TUSC3: variants seen among roughly 807,000 people sequenced by gnomAD.
The protein encoded by TUSC3 is dolichyl-diphosphooligosaccharide--protein glycosyltransferase subunit TUSC3.
A neutral mutation model predicts 44.8 loss-of-function variants in TUSC3; 45 were observed. The observed-to-expected ratio is 1.00, with a 90% CI of 0.79 to 1.29. The LOEUF is 1.29. TUSC3 is among the 50% of genes most tolerant of loss of function. The pLI is 0.00. For missense variants in TUSC3, 519 were observed against 437.9 expected (o/e 1.19, Z -1.65); for synonymous variants, 212 against 152.9 (o/e 1.39, Z -2.85).
At chr8:15,555,403 C>T (rs1206619623) in intron 1 of TUSC3, among the ~76,000 whole-genome samples, 1 of 143,392 alleles carries the variant, frequency 7.0e-6, no homozygotes, top group Admixed American at 7.2e-5. Context: ...CTCAAGTGAT[C>T]CTCCCACCTC....
At chr8:15,735,223 C>G (rs1301378187) in intron 7 of TUSC3, among the ~76,000 whole-genome samples, 1 of 151,946 alleles carries the variant, frequency 6.6e-6, no homozygotes, top group Non-Finnish European at 1.5e-5. Flanking sequence ...GGCAATGGTT[C>G]ATCCTCCAGC....
chr8:15,686,998 G>T (rs546789385), intron 6 of TUSC3, among the ~76,000 whole-genome samples: 1 of 152,060 alleles, frequency 6.6e-6, no homozygotes, highest in African/African-American at 2.4e-5. Flanking sequence ...GCCTGAACCC[G>T]GGAGGCGGAG....
intron 1 of TUSC3, among the ~76,000 whole-genome samples, chr8:15,445,061 A>T (rs1800075551): frequency 6.6e-6 from 1 of 152,178 alleles, no homozygotes; most frequent in South Asian, 2.1e-4. Context: ...AATGGAGAAA[A>T]TTCTTATTAG....
At chr8:15,829,936 C>T in the TUSC3 span, among the ~76,000 whole-genome samples, 2 of 152,118 alleles carry the variant, frequency 1.3e-5, no homozygotes. Flanking sequence ...TCCCTTTTCT[C>T]TGCACACTCA....
intron 1 of TUSC3, among the ~76,000 whole-genome samples, chr8:15,577,235 G>A (rs949988595): frequency 2.0e-5 from 3 of 151,164 alleles, no homozygotes; most frequent in African/African-American, 7.3e-5. Flanking sequence ...TGAGTAGCTT[G>A]CGAAAATTTT....
intron 5 of TUSC3, among the ~76,000 whole-genome samples, chr8:15,670,069 T>C (rs182248813): frequency 2.0e-5 from 3 of 151,846 alleles, no homozygotes; most frequent in African/African-American, 2.4e-5. Flanking sequence ...ATAAAAGATA[T>C]GCACACTGAA....
intron 1 of TUSC3, among the ~76,000 whole-genome samples, chr8:15,466,994 A>G (rs1800423338): frequency 6.6e-6 from 1 of 152,026 alleles, no homozygotes; most frequent in Admixed American, 6.6e-5. Flanking sequence ...CCTTCTTTTG[A>G]TGTCATTTCA....
chr8:15,428,618 A>C (rs186736154), intron 1 of TUSC3, among the ~76,000 whole-genome samples: 4,038 of 143,938 alleles, frequency 0.028, 67 homozygotes, highest in South Asian at 0.043. Flanking sequence ...TCTCCACATC[A>C]TCTCCAGCAC....
chr8:15,808,165 G>A, the TUSC3 span, among the ~76,000 whole-genome samples: 39 of 152,078 alleles, frequency 2.6e-4, 1 homozygote, highest in Non-Finnish European at 2.9e-5. Flanking sequence ...TATTAGAAAA[G>A]ATTTGAGTAA....
Position 15,650,738 on chromosome 8 carries a change from G to C in TUSC3, c.350G>C (p.Arg117Pro). 1 of 1,614,032 alleles carries C rather than the reference G, an allele frequency of 6.2e-7. No homozygotes were observed. The highest frequency in any genetic ancestry group is 2.2e-5 in the East Asian group (1 of 44,864). ...TATCAAATACTGGCGAACTCCTGGC[G>C]CTATTCATCTGCTTTTTGTAACAAG... is the stretch of plus-strand genomic sequence containing the variant. ...EEYQILANSW[R>P]YSSAFCNKLF... The change falls in exon 3 of 11, where the codon CGC (arginine) becomes CCC (proline). Residue 117 changes from arginine to proline, a missense_variant. By Grantham distance (103) the Arg-to-Pro change is moderately radical. Transcript: ENST00000503731.
At chr8:15,713,104 A>C (rs980486479) in intron 6 of TUSC3, among the ~76,000 whole-genome samples, 1 of 152,192 alleles carries the variant, frequency 6.6e-6, no homozygotes, top group Non-Finnish European at 1.5e-5. Flanking sequence ...ATAATCCACA[A>C]ATACGTTTTT....
intron 6 of TUSC3, among the ~76,000 whole-genome samples, chr8:15,683,205 A>G (rs1808495308): frequency 6.6e-6 from 1 of 152,188 alleles, no homozygotes; most frequent in Admixed American, 6.5e-5. Flanking sequence ...CTCTAGCGAG[A>G]TTGGGAAAAT....
At chr8:15,624,156 A>G (rs1367133630) in intron 2 of TUSC3, among the ~76,000 whole-genome samples, 2 of 152,158 alleles carry the variant, frequency 1.3e-5, no homozygotes, top group Admixed American at 6.5e-5. Context: ...ATCAATAATT[A>G]TTTTTTTAAA....
chr8:15,844,399 G>A, the TUSC3 span, among the ~76,000 whole-genome samples: 1 of 152,134 alleles, frequency 6.6e-6, no homozygotes, highest in Non-Finnish European at 1.5e-5. Flanking sequence ...GTCTATTTGA[G>A]GAGACAGAAA....
chr8:15,802,146 G>A, the TUSC3 span, among the ~76,000 whole-genome samples: 1 of 152,146 alleles, frequency 6.6e-6, no homozygotes, highest in Non-Finnish European at 1.5e-5. Context: ...GGATGCCCGA[G>A]ACTTTGGTTT....
downstream of TUSC3, among the ~76,000 whole-genome samples, chr8:15,769,124 T>G (rs1791037109): frequency 6.6e-6 from 1 of 152,010 alleles, no homozygotes; most frequent in African/African-American, 2.4e-5. Context: ...CAAGACAATC[T>G]TAAGCAAAAA....
intron 2 of TUSC3, among the ~76,000 whole-genome samples, chr8:15,492,877 A>T (rs1563265386): frequency 6.6e-6 from 1 of 152,184 alleles, no homozygotes; most frequent in South Asian, 2.1e-4. Context: ...ATAATTAGGT[A>T]GTTGATTATC....
chr8:15,817,375 CATGCTCA>C, the TUSC3 span, among the ~76,000 whole-genome samples: 1 of 151,188 alleles, frequency 6.6e-6, no homozygotes, highest in African/African-American at 2.4e-5. Flanking sequence ...TTGAAATGCA[CATGCTCA>C]AAGGGTAACT....
chr8:15,483,223 T>C (rs929952762), intron 1 of TUSC3, among the ~76,000 whole-genome samples: 4 of 152,228 alleles, frequency 2.6e-5, no homozygotes, highest in Admixed American at 1.3e-4. Context: ...AATAGGAATA[T>C]ACTTCTAATT....
Sources: allele counts gnomAD v4.1 joint callset (sites outside exome capture counted in the v4.1 genomes callset), GRCh38; gene constraint gnomAD v4.1.1; transcripts MANE v1.5; gene names NCBI Gene and HGNC (gene_info 2026-07-23, HGNC 2026-07-21).